The following FSTL4 variants were observed in gnomAD, a reference collection of about 807,000 sequenced individuals.
FSTL4 encodes the protein follistatin-related protein 4.
A neutral mutation model predicts 78.2 loss-of-function variants in FSTL4; 28 were observed. The ratio of observed to expected loss-of-function variants is 0.36; its 90% CI spans 0.27 to 0.49. The LOEUF (loss-of-function observed/expected upper bound fraction) is 0.49, where lower values mean the gene tolerates loss of function less well. Among genes scored for constraint, FSTL4 ranks in the 20% least tolerant of loss-of-function variants. The pLI is 0.98. For synonymous variants in FSTL4, 422 were observed against 440.5 expected, an observed-to-expected ratio of 0.96 and a Z score of 0.53; for missense variants, 922 against 1,084.9, an observed-to-expected ratio of 0.85 and a Z score of 2.11.
chr5:133,818,931 C>CTATATATA, the FSTL4 span, among the ~76,000 whole-genome samples: 2,099 of 61,762 alleles, frequency 0.034, 513 homozygotes, highest in African/African-American at 0.14. Flanking sequence ...TTAGAAGATA[C>CTATATATA]TATATATATA....
At chr5:133,407,547 T>C (rs1358095144) in intron 3 of FSTL4, among the ~76,000 whole-genome samples, 1 of 152,198 alleles carries the variant, frequency 6.6e-6, no homozygotes, top group African/African-American at 2.4e-5. Context: ...CAACCTGCCA[T>C]GCATAATGTT....
chr5:133,256,084 A>G (rs960256863), intron 6 of FSTL4, among the ~76,000 whole-genome samples: 1 of 152,164 alleles, frequency 6.6e-6, no homozygotes, highest in African/African-American at 2.4e-5. Context: ...GCCATTGGTG[A>G]AAAAAACCCT....
chr5:133,466,097 C>G (rs1757700552), intron 3 of FSTL4, among the ~76,000 whole-genome samples: 1 of 152,238 alleles, frequency 6.6e-6, no homozygotes, highest in Admixed American at 6.5e-5. Flanking sequence ...TTACCCACTT[C>G]TTGAGCAAGT....
intron 6 of FSTL4, among the ~76,000 whole-genome samples, chr5:133,299,798 T>C (rs906212711): frequency 4.6e-5 from 7 of 152,064 alleles, no homozygotes; most frequent in Non-Finnish European, 7.4e-5. Context: ...TGCTCTGTGA[T>C]TGGGGGGCTG....
At chr5:133,422,088 G>C (rs1580698318) in intron 3 of FSTL4, among the ~76,000 whole-genome samples, 1 of 152,090 alleles carries the variant, frequency 6.6e-6, no homozygotes, top group African/African-American at 2.4e-5. Context: ...CCCTCGGGTG[G>C]GAGTGAATTT....
At chr5:133,422,261 C>T (rs1756712456) in intron 3 of FSTL4, among the ~76,000 whole-genome samples, 1 of 152,068 alleles carries the variant, frequency 6.6e-6, no homozygotes, top group African/African-American at 2.4e-5. Context: ...GGATTTTAAG[C>T]AGGAGAGTGG....
chr5:133,330,086 C>T (rs1326039358), intron 4 of FSTL4, among the ~76,000 whole-genome samples: 2 of 152,188 alleles, frequency 1.3e-5, no homozygotes, highest in African/African-American at 4.8e-5. Context: ...GTAACAGGTT[C>T]TGTTTGCAGC....
At chr5:133,814,843 AG>A in the FSTL4 span, among the ~76,000 whole-genome samples, 196 of 152,324 alleles carry the variant, frequency 1.3e-3, 2 homozygotes, top group East Asian at 0.034. Flanking sequence ...AAATAACTAG[AG>A]TGTAGTAAGG....
At chr5:133,763,909 G>A in the FSTL4 span, among the ~76,000 whole-genome samples, 4 of 152,094 alleles carry the variant, frequency 2.6e-5, no homozygotes, top group Non-Finnish European at 4.4e-5. Context: ...GGCAGCAGAC[G>A]GGCCCGTGCT....
chr5:133,723,168 T>C, the FSTL4 span, among the ~76,000 whole-genome samples: 1 of 152,168 alleles, frequency 6.6e-6, no homozygotes, highest in African/African-American at 2.4e-5. Flanking sequence ...AGTTTTACTT[T>C]TGAGGCACAA....
the FSTL4 span, among the ~76,000 whole-genome samples, chr5:133,623,630 AAT>A: frequency 1.3e-5 from 2 of 152,102 alleles, no homozygotes; most frequent in African/African-American, 4.8e-5. Context: ...ATGAGTAACA[AAT>A]ATAAATAAGT....
intron 3 of FSTL4, among the ~76,000 whole-genome samples, chr5:133,439,962 G>A (rs758559967): frequency 1.1e-4 from 16 of 152,186 alleles, no homozygotes; most frequent in African/African-American, 2.4e-4. Context: ...GGGGTCAGAC[G>A]TTGATCTGTG....
rs1754514184 is a variant in FSTL4, at chr5:133,338,442, T to C, written c.410-21790A>G. Among the ~76,000 whole-genome samples, 1 of 152,168 alleles carries C rather than the reference T, an allele frequency of 6.6e-6. No homozygotes were observed. The highest frequency in any genetic ancestry group is 2.4e-5 in the African/African-American group (1 of 41,430). On this transcript the variant is annotated intron_variant, in intron 4 of 15. Transcript: ENST00000265342. This position sits in a 1 kb window ranked among gnomAD's most constrained non-coding sequence, Gnocchi z 4.0. ...GTATTTGGCTGCTTCTCCTGCCCCA[T>C]GCTTTTCTAGGTTCCCAGAAGCTGT... is the stretch of plus-strand genomic sequence containing the variant.
the FSTL4 span, among the ~76,000 whole-genome samples, chr5:133,745,993 A>C: frequency 6.6e-6 from 1 of 152,368 alleles, no homozygotes; most frequent in African/African-American, 2.4e-5. Context: ...TTTCAAATTT[A>C]AAACTCTCCT....
chr5:133,671,080 C>T, the FSTL4 span, among the ~76,000 whole-genome samples: 3 of 152,166 alleles, frequency 2.0e-5, no homozygotes, highest in African/African-American at 7.2e-5. Flanking sequence ...TTCCTGCCTG[C>T]TCCATGAAAA....
intron 6 of FSTL4, among the ~76,000 whole-genome samples, chr5:133,289,255 T>C (rs1254076338): frequency 2.0e-5 from 3 of 152,208 alleles, no homozygotes; most frequent in Non-Finnish European, 4.4e-5. Flanking sequence ...GAAGGAATTA[T>C]ATTCTTGAAT....
At chr5:133,801,662 C>T in the FSTL4 span, among the ~76,000 whole-genome samples, 430 of 152,364 alleles carry the variant, frequency 2.8e-3, 3 homozygotes, top group African/African-American at 9.6e-3. Flanking sequence ...GGCCTTGATG[C>T]GAGGGGTTCA....
At chr5:133,512,102 C>T (rs752902957) in intron 3 of FSTL4, among the ~76,000 whole-genome samples, 1 of 152,250 alleles carries the variant, frequency 6.6e-6, no homozygotes, top group Non-Finnish European at 1.5e-5. Flanking sequence ...GACATGCATG[C>T]AGGCCCACAC....
intron 4 of FSTL4, among the ~76,000 whole-genome samples, chr5:133,397,185 C>A (rs1393151917): frequency 6.6e-6 from 1 of 152,162 alleles, no homozygotes; most frequent in South Asian, 2.1e-4. Context: ...CCAACTAATA[C>A]ACAAATAGGA....
Sources: gnomAD v4.1 joint callset for allele counts (sites outside exome capture counted in the v4.1 genomes callset) on GRCh38, gnomAD v4.1.1 for gene constraint, Gnocchi (gnomAD v3.1) non-coding constraint, MANE v1.5 for transcripts, NCBI Gene and HGNC (gene_info 2026-07-23, HGNC 2026-07-21) for gene names.